The following EXO1 variants were observed in gnomAD, a reference collection of about 807,000 sequenced individuals.
EXO1 encodes exonuclease 1.
A neutral mutation model predicts 84.5 loss-of-function variants in EXO1; 69 were observed. The observed-to-expected ratio is 0.82, with a 90% CI of 0.67 to 1.00. The LOEUF (loss-of-function observed/expected upper bound fraction) is 1.00. Among genes scored for constraint, EXO1 ranks in the 50% least tolerant of loss-of-function variants. The pLI, the probability that EXO1 is intolerant of heterozygous loss-of-function variation, is 0.00. For synonymous variants in EXO1, 373 were observed against 366.1 expected (o/e 1.02, Z -0.21); for missense variants, 1,045 against 1,000.7 (o/e 1.04, Z -0.60).
Position 241,879,350 on chromosome 1 carries a change from C to T in EXO1, c.2109+7C>T, listed in dbSNP as rs1199144030. 1 of 1,532,108 alleles carries T rather than the reference C, an allele frequency of 6.5e-7. No individual in the cohort carries two copies. The highest frequency in any genetic ancestry group is 9.0e-7 in the Non-Finnish European group (1 of 1,108,790). The allele number at this position is 1,532,108 out of a possible 1,614,324, so 94.9% of individuals were successfully genotyped here. A position where few individuals can be genotyped will look rare whatever the true frequency, so the allele number is the denominator to read the frequency against. Reference sequence around the variant, plus strand: ...TAAGGACTCTGATTCAGAGGTAAGTCAAATCCTGAAGGCTTTGTTTTCAAA... The same window carrying T: ...TAAGGACTCTGATTCAGAGGTAAGTTAAATCCTGAAGGCTTTGTTTTCAAA... On this transcript the variant is annotated splice_region_variant and intron_variant, in intron 13 of 15. Transcript: ENST00000366548.
At chr1:241,870,929 G>A (rs1205836434) in intron 11 of EXO1, among the ~76,000 whole-genome samples, 4 of 152,080 alleles carry the variant, frequency 2.6e-5, no homozygotes, top group Non-Finnish European at 5.9e-5. Context: ...TTAGGCCTGC[G>A]CAATTGCTGC....
intron 12 of EXO1, 104 bp downstream of exon 12, chr1:241,872,382 T>C: frequency 7.7e-7 from 1 of 1,294,280 alleles, no homozygotes; most frequent in African/African-American, 1.5e-5. Context: ...TACTTTAAGT[T>C]CTGGGGTACA....
intron 3 of EXO1, among the ~76,000 whole-genome samples, 179 bp downstream of exon 3, chr1:241,849,395 CTG>C (rs535516772): frequency 2.5e-3 from 384 of 152,104 alleles, no homozygotes; most frequent in African/African-American, 8.9e-3. Context: ...TCCAGAATCT[CTG>C]TATAGAAAGG....
chr1:241,865,110 T>G (rs914544686), intron 10 of EXO1, among the ~76,000 whole-genome samples: 1 of 151,290 alleles, frequency 6.6e-6, no homozygotes, highest in Non-Finnish European at 1.5e-5. Context: ...CCTGAAGCAG[T>G]CATTCTGCCT....
At chr1:241,860,159 T>A (rs192583392) in intron 8 of EXO1, among the ~76,000 whole-genome samples, 10 of 152,320 alleles carry the variant, frequency 6.6e-5, no homozygotes, top group Admixed American at 2.0e-4. Context: ...AATATTTGCA[T>A]TTTTTTAATT....
intron 13 of EXO1, among the ~76,000 whole-genome samples, chr1:241,881,311 C>G (rs1468419422): frequency 6.6e-6 from 1 of 152,192 alleles, no homozygotes; most frequent in Non-Finnish European, 1.5e-5. Context: ...GGATTACAGG[C>G]ATGAGCCACC....
intron 12 of EXO1, among the ~76,000 whole-genome samples, chr1:241,876,452 G>C (rs1236771028): frequency 6.6e-6 from 1 of 151,888 alleles, no homozygotes; most frequent in Non-Finnish European, 1.5e-5. Context: ...CGTAGTGGCA[G>C]ATGCCTGTAA....
chr1:241,852,205 C>G (rs147050770), intron 4 of EXO1, 87 bp from the exon 5 acceptor site: 11 of 1,177,108 alleles, frequency 9.3e-6, no homozygotes, highest in Non-Finnish European at 1.4e-5. Context: ...CCTTCTCTTT[C>G]CATAGTTTTC....
chr1:241,856,372 G>A (rs1324383845), intron 6 of EXO1, among the ~76,000 whole-genome samples: 1 of 151,536 alleles, frequency 6.6e-6, no homozygotes, highest in East Asian at 1.9e-4. Flanking sequence ...TTGACACAGC[G>A]GCTATGATAG....
At chr1:241,856,376 A>G (rs548772689) in intron 6 of EXO1, among the ~76,000 whole-genome samples, 101 of 151,592 alleles carry the variant, frequency 6.7e-4, no homozygotes, top group African/African-American at 2.3e-3. Flanking sequence ...CACAGCGGCT[A>G]TGATAGGGGC....
At chr1:241,874,277 T>G (rs910570137) in intron 12 of EXO1, among the ~76,000 whole-genome samples, 2 of 152,192 alleles carry the variant, frequency 1.3e-5, no homozygotes, top group Non-Finnish European at 2.9e-5. Flanking sequence ...TGTGCACCTG[T>G]AGTCCCAGCT....
At position 241,858,646 on chromosome 1, in the gene EXO1, A is replaced by G. The variant is rs758960039; in HGVS notation, c.684A>G (p.Ser228=). ...TTCTTTCAGGTTGTGACTACCTGTCATCACTGCGTGGGATTGGATTAGCAA... is the reference window on the plus strand; with the variant it reads ...TTCTTTCAGGTTGTGACTACCTGTCGTCACTGCGTGGGATTGGATTAGCAA... ...MCILSGCDYL[S]SLRGIGLAKA... The change falls in exon 8 of 16, where the codon TCA becomes TCG. Residue 228 remains serine (S), a synonymous_variant. Coordinates refer to ENST00000366548, the MANE Select transcript of EXO1 (RefSeq NM_130398.4). The G allele has an allele frequency of 2.5e-5, 41 of 1,614,040 alleles. No homozygotes were observed. In the East Asian group the frequency reaches 8.9e-4, roughly 35 times the overall value.
chr1:241,873,678 A>G (rs370006634), intron 12 of EXO1, among the ~76,000 whole-genome samples: 316 of 152,340 alleles, frequency 2.1e-3, no homozygotes, highest in African/African-American at 7.3e-3. Flanking sequence ...CTTGTAGTCC[A>G]GTTGGAAAAA....
intron 7 of EXO1, among the ~76,000 whole-genome samples, 172 bp downstream of exon 7, chr1:241,857,654 T>A (rs1227444248): frequency 6.6e-6 from 1 of 151,450 alleles, no homozygotes; most frequent in Non-Finnish European, 1.5e-5. Context: ...TATTTGCAAC[T>A]GACATCTATT....
At chr1:241,883,070 G>A (rs1307003080) in intron 14 of EXO1, among the ~76,000 whole-genome samples, 1 of 152,102 alleles carries the variant, frequency 6.6e-6, no homozygotes, top group Non-Finnish European at 1.5e-5. Flanking sequence ...ATTGGTTTTA[G>A]CTCTTACTGG....
In EXO1 at chr1:241,861,294, A is replaced by T. The variant is rs994408043; in HGVS notation, c.945-112A>T. On this transcript the variant is annotated intron_variant, in intron 9 of 15. Transcript: ENST00000366548. Reference sequence around the variant, plus strand: ...TGTATAAAGTAAGGAGACTCCATTTAAGTCATAAACCTATGGATTTTCGTG... The same window carrying T: ...TGTATAAAGTAAGGAGACTCCATTTTAGTCATAAACCTATGGATTTTCGTG... 3 of 700,716 alleles carry T rather than the reference A, an allele frequency of 4.3e-6. No individual in the cohort carries two copies. The African/African-American group carries it at 5.3e-5, about 12-fold the overall frequency. The allele number at this position is 700,716 out of a possible 1,614,324, so 43.4% of individuals were successfully genotyped here. A position where few individuals can be genotyped will look rare whatever the true frequency, so the allele number is the denominator to read the frequency against.
chr1:241,876,929 A>G (rs1018458829), intron 12 of EXO1, among the ~76,000 whole-genome samples: 3 of 152,190 alleles, frequency 2.0e-5, no homozygotes, highest in Non-Finnish European at 4.4e-5. Flanking sequence ...ATTTGTTTAT[A>G]AAAAATGGAT....
chr1:241,853,490 A>C lies in EXO1; in HGVS notation c.405+9A>C, dbSNP rs768641664. The C allele has an allele frequency of 5.0e-6, 8 of 1,613,876 alleles. No homozygotes were observed. Among genetic ancestry groups the C allele is most frequent in the Non-Finnish European group, 6.8e-6 (8 of 1,179,960 alleles). ...CCCACAAAGTAATTAAAGTAAGACA[A>C]AGGGGCAGATGGGCAAGTTCACCAA... is the stretch of plus-strand genomic sequence containing the variant. On this transcript the variant is annotated intron_variant, in intron 6 of 15. Coordinates refer to ENST00000366548, the MANE Select transcript of EXO1 (RefSeq NM_130398.4).
chr1:241,857,037 C>T (rs1661088517), intron 6 of EXO1, among the ~76,000 whole-genome samples: 1 of 152,114 alleles, frequency 6.6e-6, no homozygotes, highest in South Asian at 2.1e-4. Flanking sequence ...AGAGCCAGAC[C>T]CTGTCTCCAA....
Sources: gnomAD v4.1 joint callset for allele counts (sites outside exome capture counted in the v4.1 genomes callset) on GRCh38, gnomAD v4.1.1 for gene constraint, MANE v1.5 for transcripts, NCBI Gene and HGNC (gene_info 2026-07-23, HGNC 2026-07-21) for gene names.